TLR10: variants seen among roughly 807,000 people sequenced by gnomAD.
TLR10 encodes the protein toll-like receptor 10.
For missense variants in TLR10, 929 were observed against 932.9 expected (o/e 1.00, Z 0.05); for synonymous variants, 288 against 338.8 (o/e 0.85, Z 1.65).
Position 38,776,196 on chromosome 4 carries a change from C to T in TLR10, c.-338G>A. On this transcript the variant is annotated 5_prime_UTR_variant, in exon 2 of 4. Coordinates refer to ENST00000308973, the MANE Select transcript of TLR10 (RefSeq NM_030956.4). Reference sequence around the variant, plus strand: ...TATGTCTTCAGGTTGGTGGCAAAAGCAATCTGGATTACTGCCAAATAATAG... The same window carrying T: ...TATGTCTTCAGGTTGGTGGCAAAAGTAATCTGGATTACTGCCAAATAATAG... 1 of 182,724 alleles carries T rather than the reference C, an allele frequency of 5.5e-6. No homozygotes were observed. 11.3% of individuals were successfully genotyped at this position (182,724 alleles called of 1,614,324 possible). A position where few individuals can be genotyped will look rare whatever the true frequency, so the allele number is the denominator to read the frequency against.
intron 1 of TLR10, among the ~76,000 whole-genome samples, chr4:38,778,712 T>G (rs1235647281): frequency 6.6e-6 from 1 of 152,172 alleles, no homozygotes; most frequent in Non-Finnish European, 1.5e-5. Context: ...TCCATTTGTA[T>G]GTATCTGTTA....
Position 38,774,514 on chromosome 4 carries a change from G to A in TLR10, c.1077C>T (p.Ile359=), listed in dbSNP as rs267600146. Residue 359 remains isoleucine, a synonymous_variant, in exon 4 of 4, where the codon ATC becomes ATT. Transcript: ENST00000308973. ...TTCTTTTAAACAACTCGTCTGTTAA[G>A]ATATTATTGGCAAAATTTAAATATT... The part of the protein sequence containing the change: ...KFQYLNFANN[I]LTDELFKRTI... The A allele has an allele frequency of 6.3e-7, 1 of 1,584,698 alleles. No individual in the cohort carries two copies. Among genetic ancestry groups the A allele is most frequent in the Non-Finnish European group, 8.6e-7 (1 of 1,169,482 alleles).
chr4:38,772,296 C>G lies in TLR10; in HGVS notation c.*859G>C, dbSNP rs940837491. 1 of 152,080 alleles carries G rather than the reference C, an allele frequency of 6.6e-6. No individual in the cohort carries two copies. The highest frequency in any genetic ancestry group is 1.5e-5 in the Non-Finnish European group (1 of 68,024). The allele number at this position is 152,080 out of a possible 1,614,324, so 9.4% of individuals were successfully genotyped here. The stretch of plus-strand genomic sequence containing the variant: ...CTTATAAAAGAAATACAGATTCATT[C>G]TAAACAATTCAAACATTATAGAAAT... On this transcript the variant is annotated 3_prime_UTR_variant, in exon 4 of 4. Transcript: ENST00000308973.
Position 38,773,582 on chromosome 4 carries a change from C to T in TLR10, c.2009G>A (p.Ser670Asn), listed in dbSNP as rs1168387609. The change falls in exon 4 of 4, where the codon AGC becomes AAC. Residue 670 changes from serine to asparagine, a missense_variant. Transcript: ENST00000308973. ...AATGCTTTTGCCAGGGTCAAAGTAG[C>T]TTTCATAAAGGCAAATCAAGATAGA... ...DGSILICLYE[S>N]YFDPGKSISE... 1 of 1,604,270 alleles carries T rather than the reference C, an allele frequency of 6.2e-7. No homozygotes were observed. The highest frequency in any genetic ancestry group is 1.3e-5 in the African/African-American group (1 of 74,662).
rs11466660 is a variant in TLR10, at chr4:38,773,384, T to C, written c.2207A>G (p.Tyr736Cys). 5.0e-5 allele frequency: 80 copies of C among 1,613,970 alleles called. No homozygotes were observed. The African/African-American group carries it at 8.9e-4, about 18-fold the overall frequency. Residue 736 changes from tyrosine to cysteine, a missense_variant, in exon 4 of 4, where the codon TAT becomes TGT. Coordinates refer to ENST00000308973, the MANE Select transcript of TLR10 (RefSeq NM_030956.4). ...TTTATGATACCTGGTGGGAATGCAA[T>C]AGAATGGAATGGGTTCCAGTAAGAT... is the stretch of plus-strand genomic sequence containing the variant. The part of the protein sequence containing the change: ...ILILLEPIPF[Y>C]CIPTRYHKLK...
At chr4:38,777,832 C>A (rs187643843) in intron 1 of TLR10, among the ~76,000 whole-genome samples, 11 of 152,130 alleles carry the variant, frequency 7.2e-5, no homozygotes, top group South Asian at 2.1e-4. Context: ...GAAATAGGAA[C>A]GCTTTTACAC....
In TLR10 at chr4:38,774,559, C is replaced by T. The variant is rs11096956; in HGVS notation, c.1032G>A (p.Pro344=). ...AATATTGGAATTTCGTAGGATAATTCGGGAAAAGCATGTGTGGCATTTGTG... is the reference window on the plus strand; with the variant it reads ...AATATTGGAATTTCGTAGGATAATTTGGGAAAAGCATGTGTGGCATTTGTG... ...SNAQMPHMLF[P]NYPTKFQYLN... The change falls in exon 4 of 4, where the codon CCG becomes CCA. Residue 344 remains proline (P), a synonymous_variant. Coordinates refer to ENST00000308973, the MANE Select transcript of TLR10 (RefSeq NM_030956.4). The T allele has an allele frequency of 3.1e-6, 5 of 1,592,314 alleles. No homozygotes were observed. The highest frequency in any genetic ancestry group is 1.4e-5 in the African/African-American group (1 of 73,666).
chr4:38,776,252 G>T lies in TLR10; in HGVS notation c.-394C>A. On this transcript the variant is annotated 5_prime_UTR_variant, in exon 2 of 4. The change creates a premature stop within an existing upstream ORF in the 5' untranslated region. Coordinates refer to ENST00000308973, the MANE Select transcript of TLR10 (RefSeq NM_030956.4). The stretch of plus-strand genomic sequence containing the variant: ...ATGTTGAAAAACAATTTCCAGGTGT[G>T]ACATGTTGCCAGCTTCTCCACAGAT... 4.5e-6 allele frequency: 1 copy of T among 220,640 alleles called. No individual in the cohort carries two copies. Among genetic ancestry groups the T allele is most frequent in the South Asian group, 8.2e-5 (1 of 12,160 alleles). The allele number at this position is 220,640 out of a possible 1,614,324, so 13.7% of individuals were successfully genotyped here. A position where few individuals can be genotyped will look rare whatever the true frequency, so the allele number is the denominator to read the frequency against.
chr4:38,780,769 G>A lies in TLR10; in HGVS notation c.-569+2152C>T, dbSNP rs73142634. ...AAAAATCTATGTTGAACAAAATATC[G>A]AAATTTTTCATAAAGACAGGATCAG... On this transcript the variant is annotated intron_variant, in intron 1 of 3. Transcript: ENST00000308973. Among the ~76,000 whole-genome samples the A allele has an allele frequency of 9.4e-3, 1,426 of 152,214 alleles. 22 individuals carry two copies. Among genetic ancestry groups the A allele is most frequent in the African/African-American group, 0.032 (1,312 of 41,536 alleles).
At position 38,772,971 on chromosome 4, in the gene TLR10, G is replaced by A. The variant is rs747095649; in HGVS notation, c.*184C>T. On this transcript the variant is annotated 3_prime_UTR_variant, in exon 4 of 4. Transcript: ENST00000308973. ...CTGGGATGAACACCTTTTTCCATAA[G>A]CCCTTATAAACTTGTGAAGGTGTTT... The A allele has an allele frequency of 1.2e-5, 6 of 494,692 alleles. No individual in the cohort carries two copies. The highest frequency in any genetic ancestry group is 1.9e-5 in the Non-Finnish European group (6 of 311,770). The allele number at this position is 494,692 out of a possible 1,614,324, so 30.6% of individuals were successfully genotyped here. A position where few individuals can be genotyped will look rare whatever the true frequency, so the allele number is the denominator to read the frequency against.
In TLR10 at chr4:38,775,555, A is replaced by G; in HGVS notation, c.36T>C (p.Ser12=). 1 of 1,611,102 alleles carries G rather than the reference A, an allele frequency of 6.2e-7. No individual in the cohort carries two copies. The highest frequency in any genetic ancestry group is 1.7e-4 in the Middle Eastern group (1 of 6,044). The change falls in exon 4 of 4, where the codon AGT becomes AGC. Residue 12 remains serine, a synonymous_variant. Transcript: ENST00000308973. ...RLIRNIYIFC[S]IVMTAEGDAP... is the part of the protein sequence containing the mutation. ...CATCACCCTCTGCTGTCATAACAAT[A>G]CTACAAAATATGTAAATGTTTCTGA...
chr4:38,773,559 T>C lies in TLR10; in HGVS notation c.2032A>G (p.Ile678Val), dbSNP rs1724787708. The C allele has an allele frequency of 6.2e-7, 1 of 1,608,496 alleles. No individual in the cohort carries two copies. Among genetic ancestry groups the C allele is most frequent in the Admixed American group, 1.7e-5 (1 of 59,040 alleles). The change falls in exon 4 of 4, where the codon ATT (isoleucine) becomes GTT (valine). Residue 678 changes from isoleucine (I) to valine (V), a missense_variant. Physicochemically the swap from Ile to Val is conservative, Grantham distance 29. Coordinates refer to ENST00000308973, the MANE Select transcript of TLR10 (RefSeq NM_030956.4). ...ATGAAGCTTACAATATTTTCACTAA[T>C]GCTTTTGCCAGGGTCAAAGTAGCTT... Reference protein sequence around the residue: ...YESYFDPGKSISENIVSFIEK... With the variant: ...YESYFDPGKSVSENIVSFIEK...
rs1212307774 is a variant in TLR10 at position 38,774,129 on chromosome 4, T to A, written c.1462A>T (p.Ser488Cys). 4 of 1,610,452 alleles carry A rather than the reference T, an allele frequency of 2.5e-6. No individual in the cohort carries two copies. In the African/African-American group the frequency reaches 5.3e-5, roughly 22 times the overall value. ...LTDLPGCSHF[S>C]RLSVLNIEMN... ...TCAATGTTCAGAACTGAAAGTCTAC[T>A]GAAATGACTGCATCCAGGGAGATCA... is the stretch of plus-strand genomic sequence containing the variant. The change falls in exon 4 of 4, where the codon AGT (serine) becomes TGT (cysteine). Residue 488 changes from serine (S) to cysteine (C), a missense_variant. Coordinates refer to ENST00000308973, the MANE Select transcript of TLR10 (RefSeq NM_030956.4).
rs577261700 is a variant in TLR10, at chr4:38,775,845, G to A, written c.-133C>T. The A allele has an allele frequency of 6.8e-5, 23 of 335,924 alleles. No homozygotes were observed. Among genetic ancestry groups the A allele is most frequent in the Non-Finnish European group, 1.2e-4 (22 of 187,256 alleles). 20.8% of individuals were successfully genotyped at this position (335,924 alleles called of 1,614,324 possible). ...GTCTCCAAGCTGGCTACTGTGCCATGTCTCCGTTGTTGAGGTAAGTCAGGA... is the reference window on the plus strand; with the variant it reads ...GTCTCCAAGCTGGCTACTGTGCCATATCTCCGTTGTTGAGGTAAGTCAGGA... On this transcript the variant is annotated 5_prime_UTR_variant, in exon 3 of 4. Transcript: ENST00000308973.
At position 38,774,983 on chromosome 4, in the gene TLR10, A is replaced by C. The variant is rs1233312089; in HGVS notation, c.608T>G (p.Phe203Cys). The change falls in exon 4 of 4, where the codon TTC (phenylalanine) becomes TGC (cysteine). Residue 203 changes from phenylalanine to cysteine, a missense_variant. Coordinates refer to ENST00000308973, the MANE Select transcript of TLR10 (RefSeq NM_030956.4). ...LHIVLPMDTN[F>C]WVLLRDGIKT... The stretch of plus-strand genomic sequence containing the variant: ...GATTCCATCACGCAAAAGAACCCAG[A>C]AATTTGTGTCCATTGGTAAAACAAT... 7 of 1,613,416 alleles carry C rather than the reference A, an allele frequency of 4.3e-6. No individual in the cohort carries two copies. Among genetic ancestry groups the C allele is most frequent in the Non-Finnish European group, 3.4e-6 (4 of 1,179,824 alleles).
Position 38,775,550 on chromosome 4 carries a change from A to G in TLR10, c.41T>C (p.Val14Ala). The G allele has an allele frequency of 6.2e-7, 1 of 1,612,112 alleles. No individual in the cohort carries two copies. Among genetic ancestry groups the G allele is most frequent in the Non-Finnish European group, 8.5e-7 (1 of 1,179,378 alleles). ...TGGAGCATCACCCTCTGCTGTCATA[A>G]CAATACTACAAAATATGTAAATGTT... ...IRNIYIFCSI[V>A]MTAEGDAPEL... The change falls in exon 4 of 4, where the codon GTT becomes GCT. Residue 14 changes from valine (V) to alanine (A), a missense_variant. Physicochemically the swap from Val to Ala is moderately conservative, Grantham distance 64. Transcript: ENST00000308973.
chr4:38,778,286 G>C (rs1186105770), intron 1 of TLR10, among the ~76,000 whole-genome samples: 1 of 152,236 alleles, frequency 6.6e-6, no homozygotes, highest in East Asian at 1.9e-4. Context: ...CTGTCAGGGG[G>C]TGGGGGGCTA....
rs1724771827 is a variant in TLR10, at chr4:38,773,380, GC to G, written c.2210del (p.Cys737SerfsTer9). 6.2e-7 allele frequency: 1 copy of G among 1,613,830 alleles called. No homozygotes were observed. The highest frequency in any genetic ancestry group is 1.3e-5 in the African/African-American group (1 of 74,888). ...LILLEPIPFY[C>X]IPTRYHKLKA... ...TCAGTTTATGATACCTGGTGGGAAT[GC>G]AATAGAATGGAATGGGTTCCAGTAA... On this transcript the variant is annotated frameshift_variant, in exon 4 of 4. Transcript: ENST00000308973. LOFTEE classifies it low-confidence loss of function (END_TRUNC).
In TLR10 at chr4:38,772,897, A is replaced by T. The variant is rs2109301500; in HGVS notation, c.*258T>A. 2 of 241,788 alleles carry T rather than the reference A, an allele frequency of 8.3e-6. No homozygotes were observed. The highest frequency in any genetic ancestry group is 2.6e-4 in the South Asian group (2 of 7,600). 15.0% of individuals were successfully genotyped at this position (241,788 alleles called of 1,614,324 possible). ...TGGCCTCCCATAGTGCTGGGATTAC[A>T]AGAGTGAGCCACTGCACCTGGCCAC... On this transcript the variant is annotated 3_prime_UTR_variant, in exon 4 of 4. Transcript: ENST00000308973.
Sources: allele counts gnomAD v4.1 joint callset (sites outside exome capture counted in the v4.1 genomes callset), GRCh38; gene constraint gnomAD v4.1.1; transcripts MANE v1.5; gene names NCBI Gene and HGNC (gene_info 2026-07-23, HGNC 2026-07-21).